Variants in ANK2 observed in about 807,000 individuals in gnomAD.
ANK2 encodes the protein ankyrin-2.
A neutral mutation model predicts 360.5 loss-of-function variants in ANK2; 83 were observed. The ratio of observed to expected loss-of-function variants is 0.23; its 90% CI spans 0.19 to 0.28. ANK2 has a LOEUF of 0.28. Ranked by LOEUF, ANK2 falls within the 10% of genes least tolerant of loss-of-function variation. The pLI is 1.00. For missense variants in ANK2, 4,201 were observed against 4,795.7 expected (o/e 0.88, Z 3.66); for synonymous variants, 1,740 against 1,759.5 (o/e 0.99, Z 0.28).
intron 1 of ANK2, among the ~76,000 whole-genome samples, chr4:113,085,829 T>G (rs2084459009): frequency 6.6e-6 from 1 of 152,168 alleles, no homozygotes; most frequent in Admixed American, 6.6e-5. Context: ...TATTAAGCAC[T>G]AAAACCAGTC....
chr4:113,154,632 A>G (rs2097212510), intron 1 of ANK2, among the ~76,000 whole-genome samples: 2 of 152,312 alleles, frequency 1.3e-5, no homozygotes, highest in Middle Eastern at 3.4e-3. Context: ...AATTATATAT[A>G]AATCTGTAGA....
chr4:113,144,489 T>C (rs1395871523), intron 1 of ANK2, among the ~76,000 whole-genome samples: 2 of 152,062 alleles, frequency 1.3e-5, no homozygotes, highest in African/African-American at 4.8e-5. Flanking sequence ...AATTCTAGTC[T>C]ATCAAATGTA....
At chr4:113,163,764 C>CAAAAAAAAAAAAAAAAAAAAAAAAAAAA (rs1158530849) in intron 1 of ANK2, among the ~76,000 whole-genome samples, 7 of 55,048 alleles carry the variant, frequency 1.3e-4, no homozygotes, top group African/African-American at 2.3e-4. Flanking sequence ...AACTTCGTCT[C>CAAAAAAAAAAAAAAAAAAAAAAAAAAAA]AAAAAAAAAA....
intron 1 of ANK2, among the ~76,000 whole-genome samples, chr4:112,884,500 GT>G (rs909687557): frequency 1.7e-4 from 25 of 150,576 alleles, no homozygotes; most frequent in African/African-American, 6.1e-4. Context: ...TCCTCCTTTA[GT>G]TTTTTTTTCA....
intron 1 of ANK2, among the ~76,000 whole-genome samples, chr4:112,838,535 A>G (rs1466842992): frequency 1.3e-5 from 2 of 152,136 alleles, no homozygotes; most frequent in African/African-American, 2.4e-5. Flanking sequence ...TGGACTTCCT[A>G]CCTCATCCTT....
intron 22 of ANK2, among the ~76,000 whole-genome samples, chr4:113,296,172 A>G (rs2071321243): frequency 6.6e-6 from 1 of 152,178 alleles, no homozygotes; most frequent in Non-Finnish European, 1.5e-5. Context: ...ATAGCTTAAT[A>G]GGAATTTTGT....
chr4:113,127,113 C>T (rs1420352546), intron 1 of ANK2, among the ~76,000 whole-genome samples: 1 of 151,714 alleles, frequency 6.6e-6, no homozygotes, highest in East Asian at 1.9e-4. Flanking sequence ...TACAATCAAA[C>T]AGAAGCTCTT....
At chr4:113,264,779 C>T in intron 13 of ANK2, 118 bp from the exon 14 acceptor site, 3 of 951,018 alleles carry the variant, frequency 3.2e-6, no homozygotes, top group South Asian at 2.8e-5. Flanking sequence ...TATGCCTTTT[C>T]ATAGGTTTCT....
intron 1 of ANK2, among the ~76,000 whole-genome samples, chr4:113,132,848 G>C (rs2096139253): frequency 6.6e-6 from 1 of 152,084 alleles, no homozygotes; most frequent in Non-Finnish European, 1.5e-5. Context: ...TTTGTTCTTG[G>C]CCATCATGAT....
the ANK2 span, among the ~76,000 whole-genome samples, chr4:112,762,857 A>G: frequency 3.9e-5 from 6 of 152,200 alleles, no homozygotes; most frequent in African/African-American, 1.4e-4. Context: ...TGTTTTTAAT[A>G]CTTAAATGTG....
rs777600064 is a variant in ANK2, at chr4:113,369,682, C to G, written c.11487C>G (p.Pro3829=). Residue 3829 remains proline (P), a synonymous_variant, in exon 43 of 46, where the codon CCC becomes CCG. Transcript: ENST00000357077. ...GAGGCTCTCCCATCATACAAGAACC[C>G]GAAGAGCCCTCAGAGCACAGAGAGG... ...ERGGSPIIQE[P]EEPSEHREES... 6.2e-7 allele frequency: 1 copy of G among 1,614,122 alleles called. No individual in the cohort carries two copies. Among genetic ancestry groups the G allele is most frequent in the Non-Finnish European group, 8.5e-7 (1 of 1,180,016 alleles).
At chr4:113,282,189 C>T (rs534342518) in intron 17 of ANK2, among the ~76,000 whole-genome samples, 1 of 152,246 alleles carries the variant, frequency 6.6e-6, no homozygotes, top group African/African-American at 2.4e-5. Flanking sequence ...ATAGCACACA[C>T]AATTCAAGAG....
intron 5 of ANK2, 88 bp from the exon 6 acceptor site, chr4:113,236,899 C>T: frequency 7.7e-7 from 1 of 1,306,688 alleles, no homozygotes. Context: ...CAATCTTGAT[C>T]ATTAAAGATT....
At chr4:113,100,359 G>T (rs963652944) in intron 1 of ANK2, among the ~76,000 whole-genome samples, 3 of 152,078 alleles carry the variant, frequency 2.0e-5, no homozygotes, top group African/African-American at 7.2e-5. Flanking sequence ...GATGGCAAAA[G>T]ATGCATATGA....
intron 2 of ANK2, among the ~76,000 whole-genome samples, chr4:112,971,603 T>C (rs2039549970): frequency 6.6e-6 from 1 of 152,206 alleles, no homozygotes; most frequent in Admixed American, 6.5e-5. Flanking sequence ...TAGAAGTCTT[T>C]ATGGTTGGAA....
At chr4:112,994,335 C>T (rs1207907035) in intron 2 of ANK2, among the ~76,000 whole-genome samples, 1 of 152,160 alleles carries the variant, frequency 6.6e-6, no homozygotes, top group Non-Finnish European at 1.5e-5. Context: ...GTTTTTGGCA[C>T]ATATTGCAAT....
At chr4:112,920,678 T>A (rs1176323360) in intron 2 of ANK2, among the ~76,000 whole-genome samples, 1 of 152,220 alleles carries the variant, frequency 6.6e-6, no homozygotes, top group Non-Finnish European at 1.5e-5. Context: ...AGTGTGCAGT[T>A]CAGCACAGAT....
Position 113,363,480 on chromosome 4 carries a change from A to T in ANK2, c.10888+11A>T. ...GGAAACATGCTACAGGTAAGTGGGG[A>T]ACTATATGCATATTGGGCTAAAGTT... is the stretch of plus-strand genomic sequence containing the variant. On this transcript the variant is annotated intron_variant, in intron 40 of 45. Transcript: ENST00000357077. The T allele has an allele frequency of 6.2e-7, 1 of 1,613,100 alleles. No individual in the cohort carries two copies. Among genetic ancestry groups the T allele is most frequent in the South Asian group, 1.1e-5 (1 of 91,068 alleles).
intron 1 of ANK2, among the ~76,000 whole-genome samples, chr4:113,085,472 G>GT (rs1014902367): frequency 4.6e-4 from 69 of 151,550 alleles, no homozygotes; most frequent in African/African-American, 1.3e-3. Context: ...TGCCCAGCTA[G>GT]TTTTTTTTGT....
Sources: gnomAD v4.1 joint callset for allele counts (sites outside exome capture counted in the v4.1 genomes callset) on GRCh38, gnomAD v4.1.1 for gene constraint, MANE v1.5 for transcripts, NCBI Gene and HGNC (gene_info 2026-07-23, HGNC 2026-07-21) for gene names.